The following EPB41L5 variants were observed in gnomAD, a reference collection of about 807,000 sequenced individuals.
EPB41L5 encodes erythrocyte membrane protein band 4.1 like 5, also known as band 4.1-like protein 5.
In EPB41L5, 55 loss-of-function variants were observed where a neutral mutation model predicts 106.6. That is an observed-to-expected ratio of 0.52 (90% CI 0.42 to 0.65). The LOEUF (loss-of-function observed/expected upper bound fraction) is 0.65. Among genes scored for constraint, EPB41L5 ranks in the 30% least tolerant of loss-of-function variants. The probability of loss-of-function intolerance (pLI) is 0.00; values close to 1 mark genes in which losing one functional copy is unlikely to be tolerated. For synonymous variants in EPB41L5, 297 were observed against 306.7 expected (o/e 0.97, Z 0.33); for missense variants, 871 against 882.1 (o/e 0.99, Z 0.16).
intron 3 of EPB41L5, among the ~76,000 whole-genome samples, chr2:120,067,222 G>T (rs1389988810): frequency 6.6e-6 from 1 of 152,214 alleles, no homozygotes; most frequent in Non-Finnish European, 1.5e-5. Flanking sequence ...TTTAAACATG[G>T]AAAGGTATTT....
At chr2:120,145,340 A>T (rs1462958930) in intron 19 of EPB41L5, among the ~76,000 whole-genome samples, 1 of 152,226 alleles carries the variant, frequency 6.6e-6, no homozygotes, top group African/African-American at 2.4e-5. Flanking sequence ...TATCTATACA[A>T]TGAAATGTCT....
intron 18 of EPB41L5, among the ~76,000 whole-genome samples, chr2:120,141,735 G>A (rs557872816): frequency 7.2e-5 from 11 of 152,156 alleles, no homozygotes; most frequent in Admixed American, 2.6e-4. Context: ...TGATTGCCAC[G>A]TAGAAATCTC....
At chr2:120,061,047 T>G (rs1398786594) in intron 3 of EPB41L5, among the ~76,000 whole-genome samples, 2 of 122,120 alleles carry the variant, frequency 1.6e-5, no homozygotes, top group African/African-American at 6.1e-5. Context: ...TTTTTTTTTT[T>G]TTTTTTTTTT....
At chr2:120,147,312 G>A (rs1207136150) in intron 20 of EPB41L5, among the ~76,000 whole-genome samples, 1 of 152,166 alleles carries the variant, frequency 6.6e-6, no homozygotes, top group Non-Finnish European at 1.5e-5. Context: ...TCGCACCACT[G>A]CGCTTCATTC....
intron 20 of EPB41L5, among the ~76,000 whole-genome samples, chr2:120,147,365 G>T (rs1471568821): frequency 6.6e-6 from 1 of 152,008 alleles, no homozygotes; most frequent in Admixed American, 6.6e-5. Context: ...TAAGGGGCCA[G>T]GCCGTGGTGG....
At position 120,087,241 on chromosome 2, in the gene EPB41L5, G is replaced by A; in HGVS notation, c.873+1G>A. ...GGTGGTTGTAGAAGATGATGATCAG[G>A]TAGGAATAAAATTATATTCTATTAC... is the stretch of plus-strand genomic sequence containing the variant. On this transcript the variant is annotated splice_donor_variant, in intron 11 of 24. Transcript: ENST00000263713. LOFTEE classifies it high-confidence loss of function. The A allele has an allele frequency of 1.3e-6, 2 of 1,522,214 alleles. No homozygotes were observed. The highest frequency in any genetic ancestry group is 1.8e-6 in the Non-Finnish European group (2 of 1,100,654). 94.3% of individuals were successfully genotyped at this position (1,522,214 alleles called of 1,614,324 possible).
chr2:120,131,721 C>T lies in EPB41L5; in HGVS notation c.1599+6C>T. 1 of 1,602,680 alleles carries T rather than the reference C, an allele frequency of 6.2e-7. No individual in the cohort carries two copies. Among genetic ancestry groups the T allele is most frequent in the South Asian group, 1.1e-5 (1 of 90,850 alleles). On this transcript the variant is annotated splice_donor_region_variant and intron_variant, in intron 18 of 24. Coordinates refer to ENST00000263713, the MANE Select transcript of EPB41L5 (RefSeq NM_020909.4). ...ATGTTAACATAAACAGCCAGGTATT[C>T]AGATTTCCCCTGTGTATACCTGTTA... is the stretch of plus-strand genomic sequence containing the variant.
In EPB41L5 at chr2:120,127,834, C is replaced by T. The variant is rs773632742; in HGVS notation, c.1484C>T (p.Pro495Leu). The T allele has an allele frequency of 5.0e-6, 8 of 1,610,318 alleles. No individual in the cohort carries two copies. Among genetic ancestry groups the T allele is most frequent in the South Asian group, 2.2e-5 (2 of 90,492 alleles). The change falls in exon 17 of 25, where the codon CCT becomes CTT. Residue 495 changes from proline (P) to leucine (L), a missense_variant. Coordinates refer to ENST00000263713, the MANE Select transcript of EPB41L5 (RefSeq NM_020909.4). ...VATRLPGLGE[P>L]EVEYETLKDT... Reference sequence around the variant, plus strand: ...ACCAGGCTTCCGGGATTAGGGGAACCTGAAGTTGAATATGAGAGTAAGTAA... The same window carrying T: ...ACCAGGCTTCCGGGATTAGGGGAACTTGAAGTTGAATATGAGAGTAAGTAA...
chr2:120,067,023 C>A (rs148380641), intron 3 of EPB41L5, among the ~76,000 whole-genome samples: 3 of 152,040 alleles, frequency 2.0e-5, no homozygotes, highest in South Asian at 2.1e-4. Flanking sequence ...GGATGCAGAC[C>A]GGAGCTGTTC....
chr2:120,018,263 G>A (rs752931994), intron 1 of EPB41L5, among the ~76,000 whole-genome samples: 3 of 152,026 alleles, frequency 2.0e-5, no homozygotes, highest in South Asian at 2.1e-4. Context: ...CACCGCGCCC[G>A]GCCACTTCTC....
intron 16 of EPB41L5, chr2:120,104,178 A>G: frequency 6.5e-7 from 1 of 1,536,044 alleles, no homozygotes; most frequent in African/African-American, 1.4e-5. Flanking sequence ...GCACAATGTG[A>G]AGAATGCAGG....
At chr2:120,145,749 TTGAC>T (rs1686371959) in intron 19 of EPB41L5, among the ~76,000 whole-genome samples, 1 of 152,144 alleles carries the variant, frequency 6.6e-6, no homozygotes, top group East Asian at 1.9e-4. Flanking sequence ...GAGTTCAAGA[TTGAC>T]TGACCTACAT....
intron 2 of EPB41L5, among the ~76,000 whole-genome samples, chr2:120,029,548 C>T (rs1170770112): frequency 2.6e-5 from 4 of 152,078 alleles, no homozygotes; most frequent in Non-Finnish European, 5.9e-5. Context: ...CTGAGAAAGA[C>T]GGAAAGCTGA....
At chr2:120,081,578 T>G (rs1244376120) in intron 10 of EPB41L5, among the ~76,000 whole-genome samples, 2 of 152,166 alleles carry the variant, frequency 1.3e-5, no homozygotes, top group South Asian at 2.1e-4. Context: ...CTTAGGATTG[T>G]TTTGGCTATA....
intron 20 of EPB41L5, among the ~76,000 whole-genome samples, chr2:120,147,273 C>T (rs1686446092): frequency 6.6e-6 from 1 of 152,136 alleles, no homozygotes; most frequent in Non-Finnish European, 1.5e-5. Context: ...CTCGTGAGCC[C>T]AGGAGTTTGA....
chr2:120,093,610 G>A (rs958908842), intron 14 of EPB41L5, among the ~76,000 whole-genome samples: 3 of 152,138 alleles, frequency 2.0e-5, no homozygotes, highest in African/African-American at 7.2e-5. Context: ...TTGCAAATAG[G>A]CAATTTTCTT....
At chr2:120,153,692 T>C (rs1057167127) in intron 20 of EPB41L5, among the ~76,000 whole-genome samples, 9 of 152,334 alleles carry the variant, frequency 5.9e-5, no homozygotes, top group Admixed American at 5.9e-4. Flanking sequence ...TCTGTATATG[T>C]TTGTAATTGT....
At chr2:120,020,998 A>G (rs536659342) in intron 2 of EPB41L5, among the ~76,000 whole-genome samples, 2 of 152,238 alleles carry the variant, frequency 1.3e-5, no homozygotes, top group African/African-American at 2.4e-5. Flanking sequence ...TCTCATGGGG[A>G]CAATTGTAGT....
At chr2:120,066,756 T>C (rs1175669179) in intron 3 of EPB41L5, among the ~76,000 whole-genome samples, 2 of 152,182 alleles carry the variant, frequency 1.3e-5, no homozygotes, top group Non-Finnish European at 2.9e-5. Flanking sequence ...CCATGGAATA[T>C]AGGACAACTC....
Sources: gnomAD v4.1 joint callset for allele counts (sites outside exome capture counted in the v4.1 genomes callset) on GRCh38, gnomAD v4.1.1 for gene constraint, MANE v1.5 for transcripts, NCBI Gene and HGNC (gene_info 2026-07-23, HGNC 2026-07-21) for gene names.